The following ADGRF5 variants were observed in gnomAD, a reference collection of about 807,000 sequenced individuals.
The protein encoded by ADGRF5 is G-protein coupled receptor 116.
ADGRF5 carries 75 observed loss-of-function variants against 132.3 expected under a neutral mutation model. That is an observed-to-expected ratio of 0.57 (90% CI 0.47 to 0.69). ADGRF5 has a LOEUF of 0.69. ADGRF5 is among the 30% of genes least tolerant of loss of function. The pLI is 0.00. For synonymous variants in ADGRF5, 629 were observed against 597.6 expected (o/e 1.05, Z -0.77); for missense variants, 1,516 against 1,630.6 (o/e 0.93, Z 1.21).
upstream of ADGRF5, among the ~76,000 whole-genome samples, chr6:46,923,603 C>A (rs192778984): frequency 4.6e-5 from 7 of 152,190 alleles, no homozygotes; most frequent in African/African-American, 1.7e-4. Flanking sequence ...CAAATGCTGC[C>A]TTTTTTCCTG....
intron 3 of ADGRF5, among the ~76,000 whole-genome samples, chr6:46,888,765 T>C (rs1362129647): frequency 6.6e-6 from 1 of 151,752 alleles, no homozygotes; most frequent in Non-Finnish European, 1.5e-5. Flanking sequence ...GCAGGGAGGG[T>C]CTGGGAACTG....
At chr6:46,896,172 T>C (rs2150872339) in intron 3 of ADGRF5, among the ~76,000 whole-genome samples, 1 of 152,266 alleles carries the variant, frequency 6.6e-6, no homozygotes, top group East Asian at 1.9e-4. Context: ...GGGATACTTT[T>C]CACTTAAGTG....
chr6:46,919,872 A>G (rs1776764955), intron 1 of ADGRF5, among the ~76,000 whole-genome samples: 1 of 152,188 alleles, frequency 6.6e-6, no homozygotes, highest in South Asian at 2.1e-4. Flanking sequence ...GCTTATTTAT[A>G]CCTTTTTCCC....
upstream of ADGRF5, among the ~76,000 whole-genome samples, chr6:46,923,760 C>T (rs1244321093): frequency 2.0e-5 from 3 of 152,138 alleles, no homozygotes; most frequent in East Asian, 5.8e-4. Flanking sequence ...TTGCTGCACA[C>T]ACATTACAAT....
chr6:46,920,761 G>A (rs1048061941), intron 1 of ADGRF5, among the ~76,000 whole-genome samples: 1 of 152,038 alleles, frequency 6.6e-6, no homozygotes, highest in East Asian at 1.9e-4. Context: ...TGCTTGGGAG[G>A]TTGAGGCAGG....
chr6:46,917,923 A>T (rs1254408660), intron 1 of ADGRF5, among the ~76,000 whole-genome samples: 1 of 152,240 alleles, frequency 6.6e-6, no homozygotes, highest in African/African-American at 2.4e-5. Flanking sequence ...AATCAAAAAA[A>T]TTGTTTGTTA....
intron 2 of ADGRF5, among the ~76,000 whole-genome samples, chr6:46,901,217 T>A (rs1774730330): frequency 2.0e-5 from 3 of 152,184 alleles, no homozygotes; most frequent in Admixed American, 6.5e-5. Context: ...CCACCAGCTC[T>A]GCAGCTGGTA....
intron 10 of ADGRF5, among the ~76,000 whole-genome samples, chr6:46,877,378 TTTCTTTC>T (rs774422762): frequency 1.9e-5 from 1 of 51,406 alleles, no homozygotes; most frequent in Non-Finnish European, 4.7e-5. Flanking sequence ...TCTTTCTTTC[TTTCTTTC>T]TTCTTTCTTT....
intron 1 of ADGRF5, among the ~76,000 whole-genome samples, chr6:46,932,290 T>C (rs1000689589): frequency 6.6e-6 from 1 of 152,156 alleles, no homozygotes; most frequent in South Asian, 2.1e-4. Context: ...GGTAAGGTTA[T>C]AAAAGAAAAG....
At chr6:46,954,288 ACCCGTT>A (rs765161938) in intron 1 of ADGRF5, among the ~76,000 whole-genome samples, 2 of 152,102 alleles carry the variant, frequency 1.3e-5, no homozygotes, top group Non-Finnish European at 2.9e-5. Context: ...AATTAGGAAC[ACCCGTT>A]CCTATTTCTG....
intron 1 of ADGRF5, among the ~76,000 whole-genome samples, chr6:46,951,280 A>G (rs901001291): frequency 9.2e-5 from 14 of 152,234 alleles, no homozygotes; most frequent in Non-Finnish European, 1.9e-4. Flanking sequence ...GAGGTGCAGG[A>G]GGCATCTCAT....
chr6:46,924,545 T>C (rs1332482314), upstream of ADGRF5, among the ~76,000 whole-genome samples: 1 of 152,240 alleles, frequency 6.6e-6, no homozygotes, highest in African/African-American at 2.4e-5. Context: ...TGATCTCTAC[T>C]AGTTTTGGCT....
At chr6:46,877,329 CTTTCTTTCTTTCTTTCTTTCTTTCT>C (rs1562175583) in intron 10 of ADGRF5, among the ~76,000 whole-genome samples, 2,587 of 41,778 alleles carry the variant, frequency 0.062, 137 homozygotes, top group African/African-American at 0.086. Flanking sequence ...TTCCTTCTTT[CTTTCTTTCTTTCTTTCTTTCTTTCT>C]TTCTTTCTTT....
intron 20 of ADGRF5, 50 bp downstream of exon 20, chr6:46,855,924 G>T: frequency 1.9e-6 from 2 of 1,073,804 alleles, no homozygotes; most frequent in South Asian, 2.6e-5. Flanking sequence ...CTCCCCATTT[G>T]AGCAAATGTG....
chr6:46,923,858 C>T (rs1018955752), upstream of ADGRF5, among the ~76,000 whole-genome samples: 1 of 152,312 alleles, frequency 6.6e-6, no homozygotes. Flanking sequence ...CCTGCCCTGT[C>T]GTAGCTACGG....
At chr6:46,953,636 T>C (rs1778582495) in intron 1 of ADGRF5, among the ~76,000 whole-genome samples, 1 of 97,834 alleles carries the variant, frequency 1.0e-5, no homozygotes, top group Non-Finnish European at 1.9e-5. Context: ...AAATTATATA[T>C]ATATAGATAT....
In ADGRF5 at chr6:46,944,794, G is replaced by A. The variant is rs139737884; in HGVS notation, c.-25+9940C>T. Among the ~76,000 whole-genome samples the A allele has an allele frequency of 1.3e-3, 196 of 152,256 alleles. 1 individual carries two copies. The highest frequency in any genetic ancestry group is 4.3e-3 in the African/African-American group (180 of 41,562). ...CATACTTTATCTTCATAGTCCAACA[G>A]AGGGTGTAGCATACCATCTGCCACC... On this transcript the variant is annotated intron_variant, in intron 1 of 20. Transcript: ENST00000265417.
rs540316811 is a variant in ADGRF5, at chr6:46,945,666, T to C, written c.-25+9068A>G. Among the ~76,000 whole-genome samples the C allele has an allele frequency of 2.0e-5, 3 of 152,178 alleles. No individual in the cohort carries two copies. In the South Asian group the frequency reaches 6.2e-4, roughly 32 times the overall value. On this transcript the variant is annotated intron_variant, in intron 1 of 20. Coordinates refer to the ADGRF5 transcript ENST00000265417. Reference sequence around the variant, plus strand: ...GGGGTGACCTGTGAAAAGGAAGTAATTTGGTGACATTTAAAATGGGCTTAG... The same window carrying C: ...GGGGTGACCTGTGAAAAGGAAGTAACTTGGTGACATTTAAAATGGGCTTAG...
intron 12 of ADGRF5, 34 bp from the exon 13 acceptor site, chr6:46,867,171 GA>G (rs200509887): frequency 1.3e-6 from 1 of 792,784 alleles, no homozygotes. Flanking sequence ...AGATGGAATG[GA>G]AATAATCGCC....
Sources: allele counts gnomAD v4.1 joint callset (sites outside exome capture counted in the v4.1 genomes callset), GRCh38; gene constraint gnomAD v4.1.1; transcripts MANE v1.5; gene names NCBI Gene and HGNC (gene_info 2026-07-23, HGNC 2026-07-21).